The following CWC22 variants were observed in gnomAD, a reference collection of about 807,000 sequenced individuals.
The protein encoded by CWC22 is pre-mRNA-splicing factor CWC22 homolog.
CWC22 carries 53 observed loss-of-function variants against 117.2 expected under a neutral mutation model. That is an observed-to-expected ratio of 0.45 (90% CI 0.36 to 0.57). The LOEUF (loss-of-function observed/expected upper bound fraction) is 0.57. Among genes scored for constraint, CWC22 ranks in the 20% least tolerant of loss-of-function variants. The pLI is 0.00. For synonymous variants in CWC22, 360 were observed against 355.6 expected (o/e 1.01, Z -0.14); for missense variants, 980 against 1,068.8 (o/e 0.92, Z 1.16).
intron 14 of CWC22, among the ~76,000 whole-genome samples, chr2:179,957,337 T>C (rs928060840): frequency 6.6e-6 from 1 of 152,178 alleles, no homozygotes; most frequent in African/African-American, 2.4e-5. Flanking sequence ...CAAAATTCCA[T>C]ATCACTATAT....
intron 12 of CWC22, among the ~76,000 whole-genome samples, chr2:179,965,313 C>G (rs1686861487): frequency 6.6e-6 from 1 of 152,042 alleles, no homozygotes; most frequent in African/African-American, 2.4e-5. Flanking sequence ...TAAATAATGA[C>G]CAGTTTATTT....
At position 179,973,242 on chromosome 2, in the gene CWC22, A is replaced by G; in HGVS notation, c.755T>C (p.Leu252Pro). 1 of 1,597,724 alleles carries G rather than the reference A, an allele frequency of 6.3e-7. No individual in the cohort carries two copies. Among genetic ancestry groups the G allele is most frequent in the Non-Finnish European group, 8.5e-7 (1 of 1,170,994 alleles). Residue 252 changes from leucine (L) to proline (P), a missense_variant, in exon 8 of 20, where the codon CTT becomes CCT. Around this residue, in one of 3 missense-constraint regions of CWC22, gnomAD observed 559 missense variants for 602.3 expected, o/e 0.93. Transcript: ENST00000410053. ...RKGYRRNDKQLCLTASKFVAH... is the reference protein window; with the variant it reads ...RKGYRRNDKQPCLTASKFVAH... ...CACAAATTTTGAAGCAGTCAGGCAA[A>G]GTTGCTGAAAAATAAAGGTGGAAAG...
rs374619030 is a variant in CWC22, at chr2:179,962,641, A to ATT, written c.1397+1904_1397+1905dup. The stretch of plus-strand genomic sequence containing the variant: ...TGTGGTAGAAAATAAGATTGTCTCC[A>ATT]TTTTTTTTTTGCACTAAACAATTCT... On this transcript the variant is annotated intron_variant, in intron 13 of 19. Coordinates refer to ENST00000410053, the MANE Select transcript of CWC22 (RefSeq NM_020943.3). 4.1e-5 allele frequency among the ~76,000 whole-genome samples: 6 copies of ATT among 147,884 alleles called. No individual in the cohort carries two copies. The East Asian group carries it at 9.8e-4, about 24-fold the overall frequency.
chr2:179,975,487 G>C (rs1325529954), intron 6 of CWC22, among the ~76,000 whole-genome samples: 1 of 152,166 alleles, frequency 6.6e-6, no homozygotes, highest in East Asian at 1.9e-4. Context: ...ATCAAAAATA[G>C]AGAAGCCTGT....
In CWC22 at chr2:179,959,014, T is replaced by G; in HGVS notation, c.1458+8A>C. The G allele has an allele frequency of 6.6e-7, 1 of 1,513,242 alleles. No homozygotes were observed. The allele number at this position is 1,513,242 out of a possible 1,614,324, so 93.7% of individuals were successfully genotyped here. A position where few individuals can be genotyped will look rare whatever the true frequency, so the allele number is the denominator to read the frequency against. On this transcript the variant is annotated splice_region_variant and intron_variant, in intron 14 of 19. Transcript: ENST00000410053. ...ATACATTTCCTAATAGAAAAAGTAT[T>G]AACATACTGTTTGGCTTTCAGGAAA...
At chr2:179,995,083 A>G (rs914789931) in intron 1 of CWC22, among the ~76,000 whole-genome samples, 6 of 152,190 alleles carry the variant, frequency 3.9e-5, no homozygotes, top group South Asian at 2.1e-4. Context: ...GTGCCACTGC[A>G]CTCCAGCCTG....
At position 179,988,622 on chromosome 2, in the gene CWC22, C is replaced by G. The variant is rs1687481010; in HGVS notation, c.50G>C (p.Arg17Thr). 2.0e-6 allele frequency: 3 copies of G among 1,523,024 alleles called. No homozygotes were observed. In the African/African-American group the frequency reaches 4.1e-5, roughly 21 times the overall value. 94.3% of individuals were successfully genotyped at this position (1,523,024 alleles called of 1,614,324 possible). ...QIKPSSGHDR[R>T]ENLNSYQRNS... ...CCTCTGATATGAATTAAGGTTTTCCCTTCTGTCATGACCAGAAGAAGGCTT... is the reference window on the plus strand; with the variant it reads ...CCTCTGATATGAATTAAGGTTTTCCGTTCTGTCATGACCAGAAGAAGGCTT... The change falls in exon 3 of 20, where the codon AGG (arginine) becomes ACG (threonine). Residue 17 changes from arginine to threonine, a missense_variant. Coordinates refer to ENST00000410053, the MANE Select transcript of CWC22 (RefSeq NM_020943.3).
At chr2:179,987,811 C>T (rs1452790199) in intron 3 of CWC22, among the ~76,000 whole-genome samples, 2 of 152,158 alleles carry the variant, frequency 1.3e-5, no homozygotes, top group Admixed American at 1.3e-4. Flanking sequence ...AATATGAATT[C>T]ATAATGCACA....
At chr2:179,986,997 G>C (rs950746465) in intron 3 of CWC22, among the ~76,000 whole-genome samples, 192 bp from the exon 4 acceptor site, 1 of 152,142 alleles carries the variant, frequency 6.6e-6, no homozygotes, top group Admixed American at 6.5e-5. Context: ...TTTGTACACA[G>C]CAAAACAACT....
chr2:179,960,840 T>C (rs1686731920), intron 13 of CWC22, among the ~76,000 whole-genome samples: 1 of 152,044 alleles, frequency 6.6e-6, no homozygotes, highest in South Asian at 2.1e-4. Flanking sequence ...GGAAAAGTCC[T>C]AATTGAGACA....
At chr2:179,962,214 A>G in intron 13 of CWC22, among the ~76,000 whole-genome samples, 1 of 152,194 alleles carries the variant, frequency 6.6e-6, no homozygotes, top group East Asian at 1.9e-4. Flanking sequence ...GAAGGAAGAT[A>G]AGACTACTGG....
chr2:179,966,112 C>CCA lies in CWC22; in HGVS notation c.1211-132_1211-131dup, dbSNP rs1237244981. On this transcript the variant is annotated intron_variant, in intron 11 of 19. Transcript: ENST00000410053. The stretch of plus-strand genomic sequence containing the variant: ...ACAGTTTGCTAGCCAACAAAGATAA[C>CCA]CACCAAGCCTCGTGTTATTGCCTAG... 15 of 633,586 alleles carry CCA rather than the reference C, an allele frequency of 2.4e-5. No individual in the cohort carries two copies. The Admixed American group carries it at 4.6e-4, about 19-fold the overall frequency. The allele number at this position is 633,586 out of a possible 1,614,324, so 39.2% of individuals were successfully genotyped here. A position where few individuals can be genotyped will look rare whatever the true frequency, so the allele number is the denominator to read the frequency against.
chr2:179,945,330 G>A lies in CWC22; in HGVS notation c.2526C>T (p.Asp842=). 2 of 1,613,200 alleles carry A rather than the reference G, an allele frequency of 1.2e-6. No individual in the cohort carries two copies. Among genetic ancestry groups the A allele is most frequent in the Non-Finnish European group, 1.7e-6 (2 of 1,179,664 alleles). Residue 842 remains aspartate, a synonymous_variant, in exon 20 of 20, where the codon GAC becomes GAT. Transcript: ENST00000410053. ...ENEKHTHRIK[D]SENFRRKDRS... Reference sequence around the variant, plus strand: ...TATCTTTTCTTCTGAAATTTTCACTGTCTTTAATTCGGTGTGTATGCTTCT... The same window carrying A: ...TATCTTTTCTTCTGAAATTTTCACTATCTTTAATTCGGTGTGTATGCTTCT...
intron 1 of CWC22, among the ~76,000 whole-genome samples, chr2:179,998,205 A>G (rs1323024356): frequency 6.6e-6 from 1 of 152,180 alleles, no homozygotes; most frequent in African/African-American, 2.4e-5. Flanking sequence ...CAGAATATAG[A>G]GACCCCACAG....
intron 19 of CWC22, among the ~76,000 whole-genome samples, chr2:179,947,345 C>T (rs1245097997): frequency 6.6e-6 from 1 of 152,160 alleles, no homozygotes; most frequent in Non-Finnish European, 1.5e-5. Context: ...ACCAGCGTCC[C>T]CTTGATCCTA....
chr2:179,995,113 G>A lies in CWC22; in HGVS notation c.-113-1659C>T, dbSNP rs146782005. Among the ~76,000 whole-genome samples, 497 of 152,216 alleles carry A rather than the reference G, an allele frequency of 3.3e-3. 3 individuals are homozygous for A. The highest frequency in any genetic ancestry group is 0.011 in the African/African-American group (465 of 41,526). On this transcript the variant is annotated intron_variant, in intron 1 of 19. Transcript: ENST00000410053. ...AGCCTGGGCAACAGAGTGAGACTTCGTCTCAAACAAACAAACAAACAAAAA... is the reference window on the plus strand; with the variant it reads ...AGCCTGGGCAACAGAGTGAGACTTCATCTCAAACAAACAAACAAACAAAAA...
At chr2:179,962,952 A>G (rs1686791825) in intron 13 of CWC22, among the ~76,000 whole-genome samples, 1 of 152,276 alleles carries the variant, frequency 6.6e-6, no homozygotes, top group East Asian at 1.9e-4. Context: ...TAACTAATTA[A>G]AATTAATAAT....
chr2:179,954,591 T>A (rs1299582147), intron 15 of CWC22, among the ~76,000 whole-genome samples: 2 of 152,048 alleles, frequency 1.3e-5, no homozygotes, highest in Non-Finnish European at 2.9e-5. Flanking sequence ...GGTGATCACA[T>A]GAGGGTAGAG....
chr2:179,995,254 T>C (rs995757021), intron 1 of CWC22, among the ~76,000 whole-genome samples: 2 of 152,198 alleles, frequency 1.3e-5, no homozygotes, highest in Non-Finnish European at 1.5e-5. Context: ...CTTTTCCTAC[T>C]CGATGCTATA....
Sources: allele counts gnomAD v4.1 joint callset (sites outside exome capture counted in the v4.1 genomes callset), GRCh38; gene constraint gnomAD v4.1.1; regional missense constraint gnomAD v4.1.1; transcripts MANE v1.5; gene names NCBI Gene and HGNC (gene_info 2026-07-23, HGNC 2026-07-21).